ZNF250: variants seen among roughly 807,000 people sequenced by gnomAD.
ZNF250 encodes the protein zinc finger protein 250.
Under a neutral mutation model 37.1 loss-of-function variants are expected in ZNF250, and 13 were observed. The ratio of observed to expected loss-of-function variants is 0.35; its 90% CI spans 0.23 to 0.56. ZNF250 has a LOEUF of 0.56. Among genes scored for constraint, ZNF250 ranks in the 20% least tolerant of loss-of-function variants. The probability of loss-of-function intolerance (pLI) is 0.87; values close to 1 mark genes in which losing one functional copy is unlikely to be tolerated. For synonymous variants in ZNF250, 251 were observed against 265.6 expected, an observed-to-expected ratio of 0.94 and a Z score of 0.54; for missense variants, 474 against 697.9, an observed-to-expected ratio of 0.68 and a Z score of 3.61.
At chr8:144,885,657 G>A (rs1831822688) in intron 5 of ZNF250, among the ~76,000 whole-genome samples, 1 of 152,074 alleles carries the variant, frequency 6.6e-6, no homozygotes, top group Non-Finnish European at 1.5e-5. Flanking sequence ...GTAGTGTGGG[G>A]TCTCAGTATC....
chr8:144,892,703 C>T (rs959983109), intron 1 of ZNF250, among the ~76,000 whole-genome samples: 8 of 151,678 alleles, frequency 5.3e-5, no homozygotes, highest in African/African-American at 1.5e-4. Context: ...TACAGGCATG[C>T]GCCACCATGC....
intron 5 of ZNF250, among the ~76,000 whole-genome samples, chr8:144,885,715 C>A (rs758083409): frequency 1.3e-5 from 2 of 151,980 alleles, no homozygotes; most frequent in Non-Finnish European, 2.9e-5. Context: ...AGTTTTAGTT[C>A]TTTCTTTTTT....
At position 144,881,661 on chromosome 8, in the gene ZNF250, C is replaced by T. The variant is rs778619065; in HGVS notation, c.1522G>A (p.Gly508Arg). ...GEKPYECNSC[G>R]KAFSQYSVLI... ...ACTGAGTACTGGCTGAAGGCCTTCC[C>T]GCAGCTATTGCACTCATATGGCTTC... Residue 508 changes from glycine to arginine, a missense_variant, in exon 6 of 6, where the codon GGG (glycine) becomes AGG (arginine). This residue lies in a region of ZNF250 where 282 missense variants were observed against 470.4 expected (regional missense o/e 0.60). Coordinates refer to ENST00000417550, the MANE Select transcript of ZNF250 (RefSeq NM_001109689.4). The T allele has an allele frequency of 1.4e-5, 23 of 1,613,668 alleles. No individual in the cohort carries two copies. Among genetic ancestry groups the T allele is most frequent in the Non-Finnish European group, 1.6e-5 (19 of 1,179,892 alleles).
intron 1 of ZNF250, among the ~76,000 whole-genome samples, chr8:144,893,851 C>G (rs1318693427): frequency 6.6e-6 from 1 of 152,138 alleles, no homozygotes; most frequent in African/African-American, 2.4e-5. Context: ...TTCGACTAGG[C>G]TAACTCCTCC....
chr8:144,901,493 TG>T, upstream of ZNF250: 1 of 152,388 alleles, frequency 6.6e-6, no homozygotes, highest in Non-Finnish European at 1.5e-5. This position sits in a 1 kb window ranked among gnomAD's most constrained non-coding sequence, Gnocchi z 5.4. Flanking sequence ...CGCCAATCCC[TG>T]GGGGCTCCTG....
chr8:144,882,495 C>T lies in ZNF250; in HGVS notation c.688G>A (p.Ala230Thr), dbSNP rs1459281439. The T allele has an allele frequency of 6.2e-7, 1 of 1,614,060 alleles. No homozygotes were observed. The highest frequency in any genetic ancestry group is 8.5e-7 in the Non-Finnish European group (1 of 1,179,986). The change falls in exon 6 of 6, where the codon GCC (alanine) becomes ACC (threonine). Residue 230 changes from alanine (A) to threonine (T), a missense_variant. Ala to Thr is a moderately conservative substitution (Grantham distance 58). This residue lies in a region of ZNF250 where 282 missense variants were observed against 470.4 expected (regional missense o/e 0.60). Coordinates refer to ENST00000417550, the MANE Select transcript of ZNF250 (RefSeq NM_001109689.4). This position sits in a 1 kb window ranked among gnomAD's most constrained non-coding sequence, Gnocchi z 5.5. ...CTAAGGACTGAGCTCTGGCTGAAGG[C>T]CTTCCCACATACACTGCACACATAG... The part of the protein sequence containing the change: ...KPYVCSVCGK[A>T]FSQSSVLSKH...
intron 5 of ZNF250, among the ~76,000 whole-genome samples, 199 bp downstream of exon 5, chr8:144,886,641 G>A (rs557979211): frequency 1.3e-5 from 2 of 152,252 alleles, no homozygotes; most frequent in African/African-American, 4.8e-5. Flanking sequence ...AATCTCTCTA[G>A]GCCTACTATG....
At chr8:144,885,606 G>GCCTCA (rs1831818773) in intron 5 of ZNF250, among the ~76,000 whole-genome samples, 1 of 152,132 alleles carries the variant, frequency 6.6e-6, no homozygotes. Context: ...TGGGATTACA[G>GCCTCA]GAATGCACCA....
intron 1 of ZNF250, among the ~76,000 whole-genome samples, chr8:144,898,979 C>G (rs141703269): frequency 6.6e-6 from 1 of 152,012 alleles, no homozygotes. Flanking sequence ...TGGAATCAAC[C>G]GAAATGTACA....
rs1832255525 is a variant in ZNF250, at chr8:144,890,486, C to T, written c.-54-83G>A. The T allele has an allele frequency of 1.3e-6, 1 of 786,258 alleles. No homozygotes were observed. Among genetic ancestry groups the T allele is most frequent in the Non-Finnish European group, 1.9e-6 (1 of 535,046 alleles). 48.7% of individuals were successfully genotyped at this position (786,258 alleles called of 1,614,324 possible). A position where few individuals can be genotyped will look rare whatever the true frequency, so the allele number is the denominator to read the frequency against. On this transcript the variant is annotated intron_variant, in intron 1 of 5. Transcript: ENST00000417550. This position sits in a 1 kb window ranked among gnomAD's most constrained non-coding sequence, Gnocchi z 5.1. Reference sequence around the variant, plus strand: ...GGGCCCTCAGGGGATCCCTGGGCCTCATTCAGAGTCACTGAGGGGCACACT... The same window carrying T: ...GGGCCCTCAGGGGATCCCTGGGCCTTATTCAGAGTCACTGAGGGGCACACT...
chr8:144,878,113 T>G lies in ZNF250; in HGVS notation c.*3402A>C, dbSNP rs1831239080. On this transcript the variant is annotated 3_prime_UTR_variant, in exon 6 of 6. Transcript: ENST00000417550. ...AATTAATATTGAGGTGACCTCAGGT[T>G]TCTGGACTTTCATCTCAGTGATCTC... The G allele has an allele frequency of 2.0e-5, 3 of 152,204 alleles. No individual in the cohort carries two copies. The highest frequency in any genetic ancestry group is 1.3e-4 in the Admixed American group (2 of 15,268). The allele number at this position is 152,204 out of a possible 1,614,324, so 9.4% of individuals were successfully genotyped here.
chr8:144,888,274 C>T (rs1461111650), intron 4 of ZNF250, among the ~76,000 whole-genome samples: 1 of 152,124 alleles, frequency 6.6e-6, no homozygotes, highest in Non-Finnish European at 1.5e-5. Context: ...TAAAATATTA[C>T]ACCTTTGCTG....
intron 5 of ZNF250, among the ~76,000 whole-genome samples, chr8:144,884,455 T>C (rs536825080): frequency 1.3e-5 from 2 of 152,210 alleles, no homozygotes; most frequent in African/African-American, 2.4e-5. Flanking sequence ...GGTTTCACCA[T>C]GTTGGCCAGG....
Position 144,882,919 on chromosome 8 carries a change from T to G in ZNF250, c.347-83A>C. Reference sequence around the variant, plus strand: ...GCAACCCTGAAACTGGCCTTGCTGATGAAGGTGCAAAATCCCTCAATGCAC... The same window carrying G: ...GCAACCCTGAAACTGGCCTTGCTGAGGAAGGTGCAAAATCCCTCAATGCAC... On this transcript the variant is annotated intron_variant, in intron 5 of 5. Transcript: ENST00000417550. The surrounding 1 kb of genome is among the most constrained non-coding windows in gnomAD (Gnocchi z 5.5). 2.7e-6 allele frequency: 4 copies of G among 1,506,310 alleles called. No individual in the cohort carries two copies. The highest frequency in any genetic ancestry group is 3.6e-6 in the Non-Finnish European group (4 of 1,120,096). 93.3% of individuals were successfully genotyped at this position (1,506,310 alleles called of 1,614,324 possible).
intron 1 of ZNF250, among the ~76,000 whole-genome samples, chr8:144,893,664 G>A (rs1832511152): frequency 6.6e-6 from 1 of 152,150 alleles, no homozygotes; most frequent in South Asian, 2.1e-4. Flanking sequence ...TGAATGCACA[G>A]CTCTGGTCCC....
At position 144,880,066 on chromosome 8, in the gene ZNF250, CAAAAA is replaced by C. The variant is rs61668478; in HGVS notation, c.*1444_*1448del. ...GGGGAACAAGAGCAAGACTTTGTCTCAAAAAAAAAAAAAAAAGTATGCTTAAAACA... is the reference window on the plus strand; with the variant it reads ...GGGGAACAAGAGCAAGACTTTGTCTCAAAAAAAAAAAGTATGCTTAAAACA... On this transcript the variant is annotated 3_prime_UTR_variant, in exon 6 of 6. Coordinates refer to ENST00000417550, the MANE Select transcript of ZNF250 (RefSeq NM_001109689.4). 2.1e-4 allele frequency: 28 copies of C among 133,762 alleles called. No individual in the cohort carries two copies. The highest frequency in any genetic ancestry group is 2.1e-3 in the East Asian group (10 of 4,812). The allele number at this position is 133,762 out of a possible 1,614,324, so 8.3% of individuals were successfully genotyped here. A position where few individuals can be genotyped will look rare whatever the true frequency, so the allele number is the denominator to read the frequency against.
intron 1 of ZNF250, among the ~76,000 whole-genome samples, chr8:144,892,340 G>T (rs1255020482): frequency 6.6e-6 from 1 of 152,218 alleles, no homozygotes; most frequent in Non-Finnish European, 1.5e-5. Context: ...AGAACAGAGG[G>T]TGGGGACTGC....
intron 1 of ZNF250, among the ~76,000 whole-genome samples, chr8:144,892,324 C>T (rs76797800): frequency 5.2e-4 from 79 of 152,300 alleles, no homozygotes; most frequent in African/African-American, 1.5e-3. Context: ...AAGAATTTAA[C>T]TGGAAAGAAC....
chr8:144,889,059 C>T (rs918059156), intron 4 of ZNF250, among the ~76,000 whole-genome samples: 1 of 152,246 alleles, frequency 6.6e-6, no homozygotes, highest in African/African-American at 2.4e-5. Flanking sequence ...TGAGCCACCA[C>T]GCCTGGCCGG....
Sources: gnomAD v4.1 joint callset for allele counts (sites outside exome capture counted in the v4.1 genomes callset) on GRCh38, gnomAD v4.1.1 for gene constraint, gnomAD v4.1.1 regional missense constraint, Gnocchi (gnomAD v3.1) non-coding constraint, MANE v1.5 for transcripts, NCBI Gene and HGNC (gene_info 2026-07-23, HGNC 2026-07-21) for gene names.